Variants in TDRD12 observed in about 807,000 individuals in gnomAD.
TDRD12 encodes putative ATP-dependent RNA helicase TDRD12.
Under a neutral mutation model 133.5 loss-of-function variants are expected in TDRD12, and 158 were observed. That is an observed-to-expected ratio of 1.18 (90% confidence interval 1.04 to 1.35). TDRD12 has a LOEUF of 1.35. Among genes scored for constraint, TDRD12 ranks in the 40% most tolerant of loss-of-function variants. TDRD12 has a pLI of 0.00. For synonymous variants in TDRD12, 460 were observed against 477.9 expected (o/e 0.96, Z 0.49); for missense variants, 1,443 against 1,321.3 (o/e 1.09, Z -1.43).
chr19:32,719,916 T>C (rs1968565740), exon 1 of TDRD12: 1 of 863,982 alleles, frequency 1.2e-6, no homozygotes, highest in East Asian at 2.7e-5. Context: ...GGACGAGGAG[T>C]GTGGGGCACC....
intron 3 of TDRD12, among the ~76,000 whole-genome samples, chr19:32,741,953 C>T (rs570128422): frequency 2.0e-4 from 31 of 152,216 alleles, no homozygotes; most frequent in African/African-American, 7.5e-4. Flanking sequence ...AATTGCCAAA[C>T]TTATTATTTA....
chr19:32,762,539 T>C (rs1329246373), intron 8 of TDRD12, among the ~76,000 whole-genome samples: 3 of 152,254 alleles, frequency 2.0e-5, no homozygotes, highest in South Asian at 2.1e-4. Flanking sequence ...TGGTAGGTAA[T>C]GGCGGTAGGA....
intron 2 of TDRD12, among the ~76,000 whole-genome samples, chr19:32,732,144 C>A (rs35417602): frequency 2.0e-5 from 3 of 152,152 alleles, no homozygotes; most frequent in East Asian, 3.9e-4. Context: ...GCTGGAATTA[C>A]AGGCATGGGC....
chr19:32,743,370 C>T (rs1568453317), intron 4 of TDRD12, among the ~76,000 whole-genome samples: 1 of 150,246 alleles, frequency 6.7e-6, no homozygotes, highest in South Asian at 2.1e-4. Flanking sequence ...TCCCCTCCCC[C>T]ACTCCCTCTC....
chr19:32,769,205 A>G (rs1970377606), intron 8 of TDRD12, among the ~76,000 whole-genome samples: 1 of 150,436 alleles, frequency 6.6e-6, no homozygotes, highest in Non-Finnish European at 1.5e-5. Context: ...TGTCCTATTT[A>G]AGAAATCTTT....
intron 8 of TDRD12, among the ~76,000 whole-genome samples, chr19:32,758,073 C>T (rs1437187132): frequency 6.6e-6 from 1 of 152,174 alleles, no homozygotes; most frequent in Non-Finnish European, 1.5e-5. Context: ...GGCTCCCTAC[C>T]CACTCAGCCC....
chr19:32,784,104 A>C (rs987344613), intron 11 of TDRD12, among the ~76,000 whole-genome samples: 1 of 152,158 alleles, frequency 6.6e-6, no homozygotes, highest in African/African-American at 2.4e-5. Flanking sequence ...GTTTTTGCCC[A>C]TTCAGCATGA....
At chr19:32,821,384 G>GTGTC (rs1967384564), downstream of TDRD12, 1 of 391,148 alleles carries the variant, frequency 2.6e-6, no homozygotes, top group Non-Finnish European at 4.3e-6. Context: ...GTGTGTGTGT[G>GTGTC]TGTGTGTGTG....
intron 4 of TDRD12, 143 bp downstream of exon 4, chr19:32,743,043 G>T: frequency 9.5e-7 from 1 of 1,051,152 alleles, no homozygotes; most frequent in Non-Finnish European, 1.3e-6. Flanking sequence ...GTCAGTGTTT[G>T]TCTGACCTGG....
intron 8 of TDRD12, among the ~76,000 whole-genome samples, chr19:32,770,923 A>T (rs1406568843): frequency 6.6e-6 from 1 of 152,156 alleles, no homozygotes; most frequent in African/African-American, 2.4e-5. Flanking sequence ...CCAAATATAT[A>T]CTTCGTAGTT....
rs557229582 is a variant in TDRD12, at chr19:32,758,399, G to A, written c.865+1269G>A. On this transcript the variant is annotated intron_variant, in intron 8 of 27. Coordinates refer to ENST00000444215, the Ensembl canonical transcript of TDRD12. ...TAGAAAACCAACTAGGAAAGGGTAG[G>A]TGCATATGAAATAAGTGAAAGGTAG... 9.2e-5 allele frequency among the ~76,000 whole-genome samples: 14 copies of A among 152,232 alleles called. No homozygotes were observed. The South Asian group carries it at 2.3e-3, about 25-fold the overall frequency.
intron 27 of TDRD12, among the ~76,000 whole-genome samples, chr19:32,818,671 G>C (rs1330328251): frequency 6.6e-6 from 1 of 152,322 alleles, no homozygotes; most frequent in African/African-American, 2.4e-5. Context: ...GGGAGCCCCA[G>C]AGGTGTGAGA....
intron 2 of TDRD12, among the ~76,000 whole-genome samples, chr19:32,736,287 G>A (rs891188813): frequency 5.9e-5 from 9 of 152,070 alleles, no homozygotes; most frequent in East Asian, 1.9e-4. Context: ...ATGGTGGCAC[G>A]TGTCCACAGT....
chr19:32,786,410 G>C (rs1970908813), intron 11 of TDRD12, among the ~76,000 whole-genome samples: 1 of 152,122 alleles, frequency 6.6e-6, no homozygotes, highest in Non-Finnish European at 1.5e-5. Context: ...TCTTGGGGTT[G>C]CTCTTCTCGA....
chr19:32,744,707 T>G (rs759049157), intron 4 of TDRD12, among the ~76,000 whole-genome samples: 5 of 152,054 alleles, frequency 3.3e-5, no homozygotes, highest in Admixed American at 6.6e-5. Flanking sequence ...TCTGCTGTCT[T>G]GAATGAGCAC....
Position 32,813,682 on chromosome 19 carries a change from A to G in TDRD12, c.3049-2A>G. The G allele has an allele frequency of 1.3e-6, 2 of 1,509,754 alleles. No homozygotes were observed. The highest frequency in any genetic ancestry group is 1.8e-6 in the Non-Finnish European group (2 of 1,127,180). The allele number at this position is 1,509,754 out of a possible 1,614,324, so 93.5% of individuals were successfully genotyped here. A position where few individuals can be genotyped will look rare whatever the true frequency, so the allele number is the denominator to read the frequency against. Reference sequence around the variant, plus strand: ...TAAAATAATGTTAAGTGCTTTTTTCAGGTTACTAGGTACATTCATCATAAA... The same window carrying G: ...TAAAATAATGTTAAGTGCTTTTTTCGGGTTACTAGGTACATTCATCATAAA... On this transcript the variant is annotated splice_acceptor_variant, in intron 24 of 27. Coordinates refer to ENST00000444215, the Ensembl canonical transcript of TDRD12. LOFTEE classifies it high-confidence loss of function.
At position 32,800,108 on chromosome 19, in the gene TDRD12, G is replaced by T. The variant is rs918180858; in HGVS notation, c.1759-59G>T. On this transcript the variant is annotated intron_variant, in intron 16 of 27. Transcript: ENST00000444215. ...TACAAACCCTTACATTTTATGTTCT[G>T]CCACACTAGTTCTTACTCTTTTGAA... The T allele has an allele frequency of 1.2e-4, 113 of 953,462 alleles. 1 individual carries two copies. Among genetic ancestry groups the T allele is most frequent in the Non-Finnish European group, 1.5e-4 (101 of 658,782 alleles). 59.1% of individuals were successfully genotyped at this position (953,462 alleles called of 1,614,324 possible).
intron 19 of TDRD12, 81 bp from the exon 20 acceptor site, chr19:32,802,575 C>A (rs1347328958): frequency 6.9e-7 from 1 of 1,443,792 alleles, no homozygotes; most frequent in Non-Finnish European, 9.3e-7. Context: ...AAATGCACTG[C>A]AGTGTGGCCG....
At chr19:32,743,688 T>A (rs1445510292) in intron 4 of TDRD12, among the ~76,000 whole-genome samples, 2 of 152,082 alleles carry the variant, frequency 1.3e-5, no homozygotes, top group African/African-American at 4.8e-5. Context: ...TGTGGAGCTT[T>A]TAACGAAAAT....
Sources: gnomAD v4.1 joint callset for allele counts (sites outside exome capture counted in the v4.1 genomes callset) on GRCh38, gnomAD v4.1.1 for gene constraint, MANE v1.5 for transcripts, NCBI Gene and HGNC (gene_info 2026-07-23, HGNC 2026-07-21) for gene names.